Variants in PLPPR1 observed in about 807,000 individuals in gnomAD.
The protein encoded by PLPPR1 is phospholipid phosphatase related 1.
Under a neutral mutation model 33.1 loss-of-function variants are expected in PLPPR1, and 10 were observed. The observed-to-expected ratio is 0.30, with a 90% confidence interval of 0.19 to 0.51. The LOEUF is 0.51. Ranked by LOEUF, PLPPR1 falls within the 20% of genes least tolerant of loss-of-function variation. The probability of loss-of-function intolerance (pLI) is 0.97; values close to 1 mark genes in which losing one functional copy is unlikely to be tolerated. For synonymous variants in PLPPR1, 151 were observed against 151.0 expected (o/e 1.00, Z 0.00); for missense variants, 304 against 408.1 (o/e 0.74, Z 2.20).
chr9:101,299,925 C>A (rs757413366), intron 4 of PLPPR1, among the ~76,000 whole-genome samples: 10 of 152,144 alleles, frequency 6.6e-5, no homozygotes, highest in Non-Finnish European at 1.5e-4. Flanking sequence ...CTAGTAGTGA[C>A]AATCAAAAAT....
In PLPPR1 at chr9:101,219,629, C is replaced by A. The variant is rs188470898; in HGVS notation, c.63+34072C>A. On this transcript the variant is annotated intron_variant, in intron 2 of 7. Coordinates refer to ENST00000374874, the MANE Select transcript of PLPPR1 (RefSeq NM_207299.2). The stretch of plus-strand genomic sequence containing the variant: ...GATGTTCTACTTGTGGTATCAAATT[C>A]TCAACATTTTGACTGTGCTGCTCCT... Among the ~76,000 whole-genome samples the A allele has an allele frequency of 1.4e-3, 208 of 152,250 alleles. 1 individual carries two copies. The highest frequency in any genetic ancestry group is 4.8e-3 in the African/African-American group (198 of 41,546).
chr9:101,305,729 G>T (rs1271478029), intron 4 of PLPPR1, among the ~76,000 whole-genome samples: 1 of 152,060 alleles, frequency 6.6e-6, no homozygotes, highest in Non-Finnish European at 1.5e-5. Flanking sequence ...TGGTGGCTTT[G>T]AAGATCTCCT....
At chr9:101,300,462 C>A (rs1197278555) in intron 4 of PLPPR1, among the ~76,000 whole-genome samples, 5 of 152,146 alleles carry the variant, frequency 3.3e-5, no homozygotes, top group Admixed American at 3.3e-4. Context: ...TGAGCAGAAA[C>A]TATTTAAGTT....
intron 1 of PLPPR1, among the ~76,000 whole-genome samples, chr9:101,042,793 T>C (rs1361503954): frequency 2.6e-5 from 4 of 152,176 alleles, no homozygotes; most frequent in African/African-American, 7.2e-5. Flanking sequence ...TTAAAAATAA[T>C]TGTTTGATTA....
rs373287053 is a variant in PLPPR1, at chr9:101,299,538, T to TG, written c.386-9672dup. 1.7e-4 allele frequency among the ~76,000 whole-genome samples: 26 copies of TG among 152,278 alleles called. No homozygotes were observed. In the East Asian group the frequency reaches 5.0e-3, roughly 29 times the overall value. On this transcript the variant is annotated intron_variant, in intron 4 of 7. Transcript: ENST00000374874. ...TTGGTGAGCCAGAATATTACAGATCTGACCAAGACTCCTACCCTAGAACTC... is the reference window on the plus strand; with the variant it reads ...TTGGTGAGCCAGAATATTACAGATCTGGACCAAGACTCCTACCCTAGAACTC...
At chr9:101,139,202 T>C (rs1023628274) in intron 1 of PLPPR1, among the ~76,000 whole-genome samples, 1 of 152,164 alleles carries the variant, frequency 6.6e-6, no homozygotes, top group African/African-American at 2.4e-5. Flanking sequence ...GAATACATTA[T>C]AAAGACAGAA....
At chr9:101,212,411 T>C (rs573222387) in intron 2 of PLPPR1, among the ~76,000 whole-genome samples, 17 of 152,286 alleles carry the variant, frequency 1.1e-4, no homozygotes, top group African/African-American at 3.6e-4. Flanking sequence ...TCACATTCCG[T>C]TGCTTTTGAG....
At chr9:101,163,203 A>G (rs1399419666) in intron 1 of PLPPR1, among the ~76,000 whole-genome samples, 1 of 152,210 alleles carries the variant, frequency 6.6e-6, no homozygotes, top group Non-Finnish European at 1.5e-5. Context: ...TGAACAGAAT[A>G]GTATCATAGT....
chr9:101,243,655 A>C (rs1827524962), intron 2 of PLPPR1, among the ~76,000 whole-genome samples: 1 of 151,936 alleles, frequency 6.6e-6, no homozygotes, highest in South Asian at 2.1e-4. Flanking sequence ...CTTGACTATA[A>C]GGTGCCTAAG....
At chr9:101,263,103 T>G (rs2118883396) in intron 2 of PLPPR1, among the ~76,000 whole-genome samples, 1 of 152,254 alleles carries the variant, frequency 6.6e-6, no homozygotes. Flanking sequence ...TGTATACCTA[T>G]GTAACAAACC....
intron 2 of PLPPR1, among the ~76,000 whole-genome samples, chr9:101,234,389 T>G (rs572886137): frequency 3.9e-5 from 6 of 151,980 alleles, no homozygotes; most frequent in African/African-American, 1.4e-4. Context: ...CTACTTCACC[T>G]CCAGAGAACT....
intron 3 of PLPPR1, among the ~76,000 whole-genome samples, chr9:101,273,649 C>A (rs1421384827): frequency 6.6e-6 from 1 of 152,108 alleles, no homozygotes; most frequent in Non-Finnish European, 1.5e-5. Flanking sequence ...AGTATAATCC[C>A]AAATTTATAA....
rs149710282 is a variant in PLPPR1 at position 101,121,329 on chromosome 9, A to G, written c.-45-64121A>G. Among the ~76,000 whole-genome samples, 21 of 152,322 alleles carry G rather than the reference A, an allele frequency of 1.4e-4. No individual in the cohort carries two copies. In the East Asian group the frequency reaches 4.1e-3, roughly 29 times the overall value. ...GCAACAACCCTGTTAGGCAAGGGTT[A>G]TTCTTTTCATTCCACAGGTAAAGAA... On this transcript the variant is annotated intron_variant, in intron 1 of 7. Coordinates refer to ENST00000374874, the MANE Select transcript of PLPPR1 (RefSeq NM_207299.2).
intron 2 of PLPPR1, among the ~76,000 whole-genome samples, chr9:101,208,281 T>A (rs1826625860): frequency 1.4e-5 from 2 of 140,854 alleles, no homozygotes; most frequent in African/African-American, 2.7e-5. Flanking sequence ...AAGCAAAGGC[T>A]CTGAGAAGGT....
intron 6 of PLPPR1, 57 bp from the exon 7 acceptor site, chr9:101,317,308 T>C: frequency 6.4e-7 from 1 of 1,569,112 alleles, no homozygotes; most frequent in Non-Finnish European, 8.7e-7. Flanking sequence ...CCCTCACAGA[T>C]GCCAGGCATT....
At chr9:101,108,558 AAC>A (rs1413150693) in intron 1 of PLPPR1, among the ~76,000 whole-genome samples, 50 of 152,364 alleles carry the variant, frequency 3.3e-4, no homozygotes, top group African/African-American at 1.2e-3. Context: ...ATGCCAGAAC[AAC>A]AGGCATAGAC....
intron 2 of PLPPR1, among the ~76,000 whole-genome samples, chr9:101,207,839 T>C (rs1190912438): frequency 6.6e-6 from 1 of 151,950 alleles, no homozygotes; most frequent in East Asian, 1.9e-4. Context: ...CAGAAGGAGA[T>C]TATAAGAGAA....
At chr9:101,272,392 T>G (rs12341316) in intron 3 of PLPPR1, among the ~76,000 whole-genome samples, 60,311 of 152,002 alleles carry the variant, frequency 0.4, 11,969 homozygotes, top group Middle Eastern at 0.44. Context: ...GAAAAATATG[T>G]ATGTAAAGCG....
chr9:101,083,135 A>T lies in PLPPR1; in HGVS notation c.-46+54033A>T, dbSNP rs577422975. Among the ~76,000 whole-genome samples the T allele has an allele frequency of 4.6e-5, 7 of 152,258 alleles. No homozygotes were observed. In the South Asian group the frequency reaches 1.5e-3, roughly 32 times the overall value. On this transcript the variant is annotated intron_variant, in intron 1 of 7. Transcript: ENST00000374874. ...ATGAATCCTGCTTTATGGAACAGGA[A>T]CGTACACTAGTTCTCTCTAGAATTT...
Sources: allele counts gnomAD v4.1 joint callset (sites outside exome capture counted in the v4.1 genomes callset), GRCh38; gene constraint gnomAD v4.1.1; transcripts MANE v1.5; gene names NCBI Gene and HGNC (gene_info 2026-07-23, HGNC 2026-07-21).